The following PPHLN1 variants were observed in gnomAD, a reference collection of about 807,000 sequenced individuals.
The protein encoded by PPHLN1 is periphilin-1.
PPHLN1 carries 29 observed loss-of-function variants against 51.3 expected under a neutral mutation model. That is an observed-to-expected ratio of 0.57 (90% CI 0.42 to 0.77). The LOEUF (loss-of-function observed/expected upper bound fraction) is 0.77, where lower values mean the gene tolerates loss of function less well. PPHLN1 is among the 30% of genes least tolerant of loss of function. The probability of loss-of-function intolerance (pLI) is 0.00; values close to 1 mark genes in which losing one functional copy is unlikely to be tolerated. For synonymous variants in PPHLN1, 147 were observed against 147.8 expected, an observed-to-expected ratio of 0.99 and a Z score of 0.04; for missense variants, 436 against 438.4, an observed-to-expected ratio of 0.99 and a Z score of 0.05.
chr12:42,349,711 C>A (rs1366758309), intron 2 of PPHLN1, among the ~76,000 whole-genome samples: 5 of 152,034 alleles, frequency 3.3e-5, no homozygotes, highest in African/African-American at 1.2e-4. Flanking sequence ...TTTCAGAGAG[C>A]ACGGGGTTGG....
chr12:42,430,495 G>GGTTTT (rs2081949121), intron 9 of PPHLN1, among the ~76,000 whole-genome samples: 1 of 152,118 alleles, frequency 6.6e-6, no homozygotes, highest in African/African-American at 2.4e-5. Flanking sequence ...TTCTTTTTTT[G>GGTTTT]GTTTTGTTTT....
At chr12:42,429,258 G>GT (rs909964021) in intron 9 of PPHLN1, among the ~76,000 whole-genome samples, 1 of 151,972 alleles carries the variant, frequency 6.6e-6, no homozygotes, top group Admixed American at 6.6e-5. Flanking sequence ...GAATACATTG[G>GT]TTTTTTTCCT....
chr12:42,430,413 C>T (rs1566020391), intron 9 of PPHLN1, among the ~76,000 whole-genome samples: 1 of 152,196 alleles, frequency 6.6e-6, no homozygotes, highest in Non-Finnish European at 1.5e-5. Flanking sequence ...TACAGATAGT[C>T]TGCTGTTGAC....
At chr12:42,375,117 C>A in intron 5 of PPHLN1, 43 bp downstream of exon 5, 1 of 1,409,380 alleles carries the variant, frequency 7.1e-7, no homozygotes, top group Non-Finnish European at 9.8e-7. Context: ...ACAGTCTCCT[C>A]TGATGAGAAT....
At chr12:42,414,762 CTTTA>C (rs2080220932) in intron 9 of PPHLN1, among the ~76,000 whole-genome samples, 1 of 152,144 alleles carries the variant, frequency 6.6e-6, no homozygotes, top group Non-Finnish European at 1.5e-5. Flanking sequence ...TTTGAATGCC[CTTTA>C]TTTCTTTCGC....
chr12:42,329,883 T>C (rs1195028870), intron 1 of PPHLN1: 4 of 152,044 alleles, frequency 2.6e-5, no homozygotes, highest in Non-Finnish European at 5.9e-5. Flanking sequence ...GAAAGAACAG[T>C]GGGCCCAGGA....
At chr12:42,427,302 A>G (rs1032449626) in intron 9 of PPHLN1, among the ~76,000 whole-genome samples, 20 of 152,220 alleles carry the variant, frequency 1.3e-4, no homozygotes, top group African/African-American at 4.3e-4. Context: ...CAGTGTTTAC[A>G]TAAGAATTTT....
At chr12:42,413,532 G>A (rs1467354477) in intron 9 of PPHLN1, among the ~76,000 whole-genome samples, 1 of 46,618 alleles carries the variant, frequency 2.1e-5, no homozygotes, top group Non-Finnish European at 6.7e-5. Flanking sequence ...GTATATGTGT[G>A]TGTGTGTGTG....
intron 9 of PPHLN1, among the ~76,000 whole-genome samples, chr12:42,432,480 C>G (rs930842259): frequency 3.3e-5 from 5 of 152,224 alleles, no homozygotes; most frequent in African/African-American, 9.6e-5. Flanking sequence ...CTGTCCCCTT[C>G]AATTCTCACC....
chr12:42,341,025 G>A, intron 2 of PPHLN1, among the ~76,000 whole-genome samples: 1 of 144,622 alleles, frequency 6.9e-6, no homozygotes, highest in Non-Finnish European at 1.5e-5. Context: ...CTGTCGCCCA[G>A]GTTGGAGTGC....
intron 1 of PPHLN1, among the ~76,000 whole-genome samples, chr12:42,331,162 T>C (rs1178235123): frequency 1.3e-5 from 2 of 152,192 alleles, no homozygotes; most frequent in Non-Finnish European, 2.9e-5. Flanking sequence ...AAGTTTGAGG[T>C]CAATGTGACT....
rs184540010 is a variant in PPHLN1 at position 42,396,270 on chromosome 12, C to A, written c.768+2581C>A. 2.9e-4 allele frequency among the ~76,000 whole-genome samples: 44 copies of A among 151,798 alleles called. 1 individual carries two copies. Among genetic ancestry groups the A allele is most frequent in the Admixed American group, 2.7e-3 (41 of 15,222 alleles). On this transcript the variant is annotated intron_variant, in intron 8 of 9. Coordinates refer to ENST00000358314, the MANE Select transcript of PPHLN1 (RefSeq NM_201439.2). ...TTTGACTATGTAATTTTTTTCACAGCATGTATTTCAGGATTAGTGTTTTAA... is the reference window on the plus strand; with the variant it reads ...TTTGACTATGTAATTTTTTTCACAGAATGTATTTCAGGATTAGTGTTTTAA...
intron 8 of PPHLN1, among the ~76,000 whole-genome samples, chr12:42,398,391 G>T (rs1409455948): frequency 3.3e-5 from 5 of 151,754 alleles, no homozygotes; most frequent in African/African-American, 1.2e-4. Context: ...CTTCCATTTG[G>T]ACTTTTTCTC....
At chr12:42,363,906 C>A (rs1241288576) in intron 4 of PPHLN1, among the ~76,000 whole-genome samples, 1 of 151,968 alleles carries the variant, frequency 6.6e-6, no homozygotes, top group Non-Finnish European at 1.5e-5. Flanking sequence ...TCATTTTTTC[C>A]CCCTGTAGTT....
intron 9 of PPHLN1, among the ~76,000 whole-genome samples, chr12:42,425,038 T>TTATGTATG (rs71435906): frequency 0.11 from 14,710 of 136,790 alleles, 807 homozygotes; most frequent in African/African-American, 0.13. Flanking sequence ...TTATTTTATT[T>TTATGTATG]TATGTATGTA....
intron 9 of PPHLN1, chr12:42,432,300 C>T: frequency 1.3e-6 from 1 of 753,188 alleles, no homozygotes; most frequent in Non-Finnish European, 2.5e-6. Context: ...GACCTAGAAC[C>T]AATCTGTTAT....
At chr12:42,404,862 T>C (rs1220170748) in intron 9 of PPHLN1, among the ~76,000 whole-genome samples, 1 of 152,042 alleles carries the variant, frequency 6.6e-6, no homozygotes, top group African/African-American at 2.4e-5. Context: ...ACCCTGTCTC[T>C]ACTAAAAATA....
chr12:42,424,091 C>T (rs186922996), intron 9 of PPHLN1, among the ~76,000 whole-genome samples: 9 of 152,244 alleles, frequency 5.9e-5, no homozygotes, highest in African/African-American at 1.9e-4. Flanking sequence ...ATCATGATGG[C>T]GTTTCTGCCA....
At chr12:42,390,564 T>C (rs1475552496) in intron 7 of PPHLN1, among the ~76,000 whole-genome samples, 1 of 152,186 alleles carries the variant, frequency 6.6e-6, no homozygotes, top group Non-Finnish European at 1.5e-5. Context: ...TGTCTGATAG[T>C]TTCATGTAGA....
Sources: allele counts gnomAD v4.1 joint callset (sites outside exome capture counted in the v4.1 genomes callset), GRCh38; gene constraint gnomAD v4.1.1; transcripts MANE v1.5; gene names NCBI Gene and HGNC (gene_info 2026-07-23, HGNC 2026-07-21).